MYPOP: variants seen among roughly 807,000 people sequenced by gnomAD.
MYPOP encodes the protein Myb related transcription factor, partner of profilin, also known as myb-related transcription factor, partner of profilin.
MYPOP carries 21 observed loss-of-function variants against 25.7 expected under a neutral mutation model. The ratio of observed to expected loss-of-function variants is 0.82; its 90% CI spans 0.58 to 1.18. The LOEUF (loss-of-function observed/expected upper bound fraction) is 1.18. Among genes scored for constraint, MYPOP ranks in the 50% most tolerant of loss-of-function variants. The pLI, the probability that MYPOP is intolerant of heterozygous loss-of-function variation, is 0.00. For synonymous variants in MYPOP, 280 were observed against 247.9 expected (o/e 1.13, Z -1.22); for missense variants, 566 against 588.3 (o/e 0.96, Z 0.39).
rs977693033 is a variant in MYPOP at position 45,890,543 on chromosome 19, G to A, written c.*80C>T. Reference sequence around the variant, plus strand: ...GGAGCAGGGAGCTAGGGTGCAGCTGGGATGGGCAGAGAGCATCGCCCCCCT... The same window carrying A: ...GGAGCAGGGAGCTAGGGTGCAGCTGAGATGGGCAGAGAGCATCGCCCCCCT... On this transcript the variant is annotated 3_prime_UTR_variant, in exon 3 of 3. Transcript: ENST00000322217. 125 of 1,561,832 alleles carry A rather than the reference G, an allele frequency of 8.0e-5. No homozygotes were observed. The Middle Eastern group carries it at 1.4e-3, about 17-fold the overall frequency.
At chr19:45,895,305 G>A (rs1967187237) in intron 2 of MYPOP, among the ~76,000 whole-genome samples, 1 of 152,016 alleles carries the variant, frequency 6.6e-6, no homozygotes, top group Admixed American at 6.6e-5. Flanking sequence ...GAGTGCAGTG[G>A]TGCAATCTCG....
intron 2 of MYPOP, among the ~76,000 whole-genome samples, chr19:45,900,615 C>A (rs570661920): frequency 3.2e-4 from 48 of 152,160 alleles, no homozygotes; most frequent in African/African-American, 1.1e-3. Flanking sequence ...GGCAGGTGCT[C>A]AGGGAACGGC....
intron 2 of MYPOP, among the ~76,000 whole-genome samples, chr19:45,896,904 C>T (rs989578355): frequency 6.6e-6 from 1 of 152,154 alleles, no homozygotes; most frequent in South Asian, 2.1e-4. Flanking sequence ...GGATTACAGG[C>T]GTGAGCCACC....
At chr19:45,896,385 C>T (rs1193436726) in intron 2 of MYPOP, among the ~76,000 whole-genome samples, 2 of 152,172 alleles carry the variant, frequency 1.3e-5, no homozygotes, top group African/African-American at 2.4e-5. Flanking sequence ...GGTAGGGAGG[C>T]TGGGAGACAG....
At position 45,901,255 on chromosome 19, in the gene MYPOP, C is replaced by A; in HGVS notation, c.499+20G>T. 7.0e-7 allele frequency: 1 copy of A among 1,433,210 alleles called. No individual in the cohort carries two copies. Among genetic ancestry groups the A allele is most frequent in the Non-Finnish European group, 9.1e-7 (1 of 1,093,198 alleles). 88.8% of individuals were successfully genotyped at this position (1,433,210 alleles called of 1,614,324 possible). ...GGCTTGCAACAGCGCAGGCACACAGCCTACTCTGAAGACACTCACCTGCAC... is the reference window on the plus strand; with the variant it reads ...GGCTTGCAACAGCGCAGGCACACAGACTACTCTGAAGACACTCACCTGCAC... On this transcript the variant is annotated intron_variant, in intron 2 of 2. Coordinates refer to ENST00000322217, the MANE Select transcript of MYPOP (RefSeq NM_001012643.4). This position sits in a 1 kb window ranked among gnomAD's most constrained non-coding sequence, Gnocchi z 5.7.
rs371877412 is a variant in MYPOP, at chr19:45,901,303, C to T, written c.471G>A (p.Ser157=). 2 of 1,455,786 alleles carry T rather than the reference C, an allele frequency of 1.4e-6. No individual in the cohort carries two copies. Among genetic ancestry groups the T allele is most frequent in the Admixed American group, 2.9e-5 (1 of 34,864 alleles). The allele number at this position is 1,455,786 out of a possible 1,614,324, so 90.2% of individuals were successfully genotyped here. ...CACGTCGGTCCTCCCGGCGGTCTTCCGACAACACGTAGCGCTGAGGGCAGG... is the reference window on the plus strand; with the variant it reads ...CACGTCGGTCCTCCCGGCGGTCTTCTGACAACACGTAGCGCTGAGGGCAGG... ...PSACPQRYVL[S]EDRREDRRAD... Residue 157 remains serine (S), a synonymous_variant, in exon 2 of 3, where the codon TCG becomes TCA. Transcript: ENST00000322217. This position sits in a 1 kb window ranked among gnomAD's most constrained non-coding sequence, Gnocchi z 5.7.
chr19:45,901,233 T>C lies in MYPOP; in HGVS notation c.499+42A>G. On this transcript the variant is annotated intron_variant, in intron 2 of 2. Coordinates refer to ENST00000322217, the MANE Select transcript of MYPOP (RefSeq NM_001012643.4). The surrounding 1 kb of genome is among the most constrained non-coding windows in gnomAD (Gnocchi z 5.7). Reference sequence around the variant, plus strand: ...GGCTTTGATGAGACATGTAAAAGGCTTGCAACAGCGCAGGCACACAGCCTA... The same window carrying C: ...GGCTTTGATGAGACATGTAAAAGGCCTGCAACAGCGCAGGCACACAGCCTA... 2 of 1,405,702 alleles carry C rather than the reference T, an allele frequency of 1.4e-6. No individual in the cohort carries two copies. Among genetic ancestry groups the C allele is most frequent in the South Asian group, 1.6e-5 (1 of 61,650 alleles). The allele number at this position is 1,405,702 out of a possible 1,614,324, so 87.1% of individuals were successfully genotyped here. A position where few individuals can be genotyped will look rare whatever the true frequency, so the allele number is the denominator to read the frequency against.
intron 2 of MYPOP, among the ~76,000 whole-genome samples, chr19:45,896,917 G>A (rs754773300): frequency 2.6e-5 from 4 of 151,828 alleles, no homozygotes; most frequent in South Asian, 4.2e-4. Context: ...GAGCCACCGC[G>A]CCCGGCCTCT....
chr19:45,891,221 T>C lies in MYPOP; in HGVS notation c.602A>G (p.Glu201Gly). ...EGGCPRPKER[E>G]SPPPSALQPV... Reference sequence around the variant, plus strand: ...CTGCAGGGCCGAAGGGGGTGGTGACTCACGCTCCTTGGGCCGTGGGCAGCC... The same window carrying C: ...CTGCAGGGCCGAAGGGGGTGGTGACCCACGCTCCTTGGGCCGTGGGCAGCC... Residue 201 changes from glutamate (E) to glycine (G), a missense_variant, in exon 3 of 3, where the codon GAG becomes GGG. Coordinates refer to ENST00000322217, the MANE Select transcript of MYPOP (RefSeq NM_001012643.4). The C allele has an allele frequency of 1.3e-6, 2 of 1,538,148 alleles. No individual in the cohort carries two copies. The highest frequency in any genetic ancestry group is 1.2e-5 in the South Asian group (1 of 83,560).
chr19:45,896,321 C>A (rs1331790986), intron 2 of MYPOP, among the ~76,000 whole-genome samples: 2 of 152,176 alleles, frequency 1.3e-5, no homozygotes, highest in Non-Finnish European at 2.9e-5. Flanking sequence ...AAATCAGCCA[C>A]CTCCTACCCT....
Position 45,890,784 on chromosome 19 carries a change from C to A in MYPOP, c.1039G>T (p.Gly347Trp). The part of the protein sequence containing the change: ...PVSVVAAVVD[G>W]AVVAARGVII... Reference sequence around the variant, plus strand: ...ACTCCCCTGGCTGCCACCACTGCCCCGTCCACCACAGCAGCCACCACGGAC... The same window carrying A: ...ACTCCCCTGGCTGCCACCACTGCCCAGTCCACCACAGCAGCCACCACGGAC... Residue 347 changes from glycine (G) to tryptophan (W), a missense_variant, in exon 3 of 3, where the codon GGG becomes TGG. Coordinates refer to ENST00000322217, the MANE Select transcript of MYPOP (RefSeq NM_001012643.4). 1 of 1,510,274 alleles carries A rather than the reference C, an allele frequency of 6.6e-7. No individual in the cohort carries two copies. The allele number at this position is 1,510,274 out of a possible 1,614,324, so 93.6% of individuals were successfully genotyped here.
rs770819480 is a variant in MYPOP, at chr19:45,890,589, G to A, written c.*34C>T. The A allele has an allele frequency of 1.7e-5, 27 of 1,607,562 alleles. No individual in the cohort carries two copies. In the South Asian group the frequency reaches 2.8e-4, roughly 16 times the overall value. On this transcript the variant is annotated 3_prime_UTR_variant, in exon 3 of 3. Coordinates refer to ENST00000322217, the MANE Select transcript of MYPOP (RefSeq NM_001012643.4). The stretch of plus-strand genomic sequence containing the variant: ...CCCCTCGACTGCGCCAAGCTGGGGA[G>A]AGGGGTTGCAGGCAGGATCATAGAT...
At position 45,890,472 on chromosome 19, in the gene MYPOP, G is replaced by T; in HGVS notation, c.*151C>A. ...GGGCCCATTACTGAGGCCCCCCCCAGAGAATCAGGCACTAACTAGCACAGG... is the reference window on the plus strand; with the variant it reads ...GGGCCCATTACTGAGGCCCCCCCCATAGAATCAGGCACTAACTAGCACAGG... On this transcript the variant is annotated 3_prime_UTR_variant, in exon 3 of 3. Coordinates refer to ENST00000322217, the MANE Select transcript of MYPOP (RefSeq NM_001012643.4). The T allele has an allele frequency of 7.6e-7, 1 of 1,308,180 alleles. No individual in the cohort carries two copies. The highest frequency in any genetic ancestry group is 1.0e-6 in the Non-Finnish European group (1 of 988,806). The allele number at this position is 1,308,180 out of a possible 1,614,324, so 81.0% of individuals were successfully genotyped here. A position where few individuals can be genotyped will look rare whatever the true frequency, so the allele number is the denominator to read the frequency against.
intron 2 of MYPOP, among the ~76,000 whole-genome samples, chr19:45,898,342 G>C (rs1302940803): frequency 6.7e-6 from 1 of 149,086 alleles, no homozygotes; most frequent in Non-Finnish European, 1.5e-5. Flanking sequence ...TTTTTTTTGA[G>C]ACTGAGTTTT....
intron 2 of MYPOP, among the ~76,000 whole-genome samples, chr19:45,900,062 G>A (rs1389027437): frequency 6.6e-6 from 1 of 152,138 alleles, no homozygotes; most frequent in African/African-American, 2.4e-5. Flanking sequence ...TGTGACCTTG[G>A]GTGGGTGAAT....
rs143523472 is a variant in MYPOP at position 45,899,895 on chromosome 19, C to T, written c.499+1380G>A. On this transcript the variant is annotated intron_variant, in intron 2 of 2. Transcript: ENST00000322217. Reference sequence around the variant, plus strand: ...AAGTCCAAATTCCTGACCTTGACTTCCAAGCCACGTGTAATCTAATTCTGG... The same window carrying T: ...AAGTCCAAATTCCTGACCTTGACTTTCAAGCCACGTGTAATCTAATTCTGG... 5.2e-3 allele frequency among the ~76,000 whole-genome samples: 793 copies of T among 152,262 alleles called. 6 individuals are homozygous for T. The highest frequency in any genetic ancestry group is 0.016 in the South Asian group (75 of 4,824).
chr19:45,898,371 G>A (rs1408643900), intron 2 of MYPOP, among the ~76,000 whole-genome samples: 4 of 151,290 alleles, frequency 2.6e-5, no homozygotes, highest in Non-Finnish European at 5.9e-5. Context: ...TGCCCAGGCT[G>A]AAGTGCAATG....
rs1037258631 is a variant in MYPOP, at chr19:45,901,915, C to T, written c.-52-90G>A. The T allele has an allele frequency of 1.4e-5, 9 of 629,322 alleles. No individual in the cohort carries two copies. In the Admixed American group the frequency reaches 4.1e-4, roughly 29 times the overall value. 39.0% of individuals were successfully genotyped at this position (629,322 alleles called of 1,614,324 possible). On this transcript the variant is annotated intron_variant, in intron 1 of 2. Coordinates refer to ENST00000322217, the MANE Select transcript of MYPOP (RefSeq NM_001012643.4). The surrounding 1 kb of genome is among the most constrained non-coding windows in gnomAD (Gnocchi z 5.7). ...ACCGCCGGGCCGAGAGCTCCTTAGT[C>T]CCCGGGGGCAGGAGTGGGGGCGGGG...
intron 2 of MYPOP, among the ~76,000 whole-genome samples, chr19:45,896,445 C>T (rs1463658320): frequency 1.3e-5 from 2 of 152,156 alleles, no homozygotes; most frequent in African/African-American, 4.8e-5. Context: ...AGGCCCTGGG[C>T]TAAGCTCCCC....
Sources: gnomAD v4.1 joint callset for allele counts (sites outside exome capture counted in the v4.1 genomes callset) on GRCh38, gnomAD v4.1.1 for gene constraint, Gnocchi (gnomAD v3.1) non-coding constraint, MANE v1.5 for transcripts, NCBI Gene and HGNC (gene_info 2026-07-23, HGNC 2026-07-21) for gene names.